RAI1: variants seen among roughly 807,000 people sequenced by gnomAD.
RAI1 encodes retinoic acid-induced protein 1.
In RAI1, 9 loss-of-function variants were observed where a neutral mutation model predicts 123.8. The observed-to-expected ratio is 0.07, with a 90% CI of 0.04 to 0.13. The LOEUF is 0.13. RAI1 is among the 10% of genes least tolerant of loss of function. The pLI is 1.00. For synonymous variants in RAI1, 1,231 were observed against 1,127.3 expected (o/e 1.09, Z -1.84); for missense variants, 2,256 against 2,545.8 (o/e 0.89, Z 2.45).
chr17:17,725,336 C>G (rs979056251), intron 2 of RAI1, among the ~76,000 whole-genome samples: 1 of 152,150 alleles, frequency 6.6e-6, no homozygotes, highest in Non-Finnish European at 1.5e-5. Context: ...AAGTGTTTGT[C>G]TCCTGCGATC....
chr17:17,794,554 C>A lies in RAI1; in HGVS notation c.1606C>A (p.Arg536Ser), dbSNP rs149164900. 1 of 1,613,060 alleles carries A rather than the reference C, an allele frequency of 6.2e-7. No homozygotes were observed. The highest frequency in any genetic ancestry group is 8.5e-7 in the Non-Finnish European group (1 of 1,180,016). ...CAGCTTCCTCTACTGCAACCAGGCCCGTGGCAGCCCTGCCAGGGTCAACAG... is the reference window on the plus strand; with the variant it reads ...CAGCTTCCTCTACTGCAACCAGGCCAGTGGCAGCCCTGCCAGGGTCAACAG... ...ERSFLYCNQA[R>S]GSPARVNSNS... Residue 536 changes from arginine (R) to serine (S), a missense_variant, in exon 3 of 6, where the codon CGT (arginine) becomes AGT (serine). Coordinates refer to ENST00000353383, the MANE Select transcript of RAI1 (RefSeq NM_030665.4).
intron 3 of RAI1, chr17:17,802,084 C>A (rs776032219): frequency 2.1e-6 from 1 of 470,996 alleles, no homozygotes; most frequent in South Asian, 1.5e-5. Context: ...TCTCCCTCCC[C>A]GGCCTCAGGT....
At chr17:17,761,929 G>A (rs1227438136) in intron 2 of RAI1, among the ~76,000 whole-genome samples, 3 of 152,080 alleles carry the variant, frequency 2.0e-5, no homozygotes, top group Non-Finnish European at 4.4e-5. Context: ...AGGGAGGGAG[G>A]CATGGGAGGG....
In RAI1 at chr17:17,810,087, C is replaced by G; in HGVS notation, c.*106C>G. The G allele has an allele frequency of 6.9e-7, 1 of 1,440,740 alleles. No homozygotes were observed. Among genetic ancestry groups the G allele is most frequent in the Non-Finnish European group, 9.3e-7 (1 of 1,070,466 alleles). The allele number at this position is 1,440,740 out of a possible 1,614,324, so 89.2% of individuals were successfully genotyped here. A position where few individuals can be genotyped will look rare whatever the true frequency, so the allele number is the denominator to read the frequency against. On this transcript the variant is annotated 3_prime_UTR_variant, in exon 6 of 6. Transcript: ENST00000353383. The surrounding 1 kb of genome is among the most constrained non-coding windows in gnomAD (Gnocchi z 4.6). ...CCCCGGGCCTTTGAGCTGCTCCCAG[C>G]GCTGGTCCAGAGCCGATCCTTGATC...
intron 2 of RAI1, among the ~76,000 whole-genome samples, chr17:17,755,772 CT>C (rs1274459376): frequency 2.0e-5 from 3 of 152,230 alleles, no homozygotes; most frequent in Non-Finnish European, 4.4e-5. Context: ...AGCCCAGCTC[CT>C]CCCCTGGCAC....
chr17:17,786,103 G>T (rs2031816912), intron 2 of RAI1, among the ~76,000 whole-genome samples: 1 of 152,192 alleles, frequency 6.6e-6, no homozygotes, highest in Non-Finnish European at 1.5e-5. Context: ...GGTGCTGAGA[G>T]GGGCTGCTGC....
chr17:17,682,946 G>A (rs1256629890), intron 1 of RAI1, among the ~76,000 whole-genome samples: 1 of 152,102 alleles, frequency 6.6e-6, no homozygotes, highest in Non-Finnish European at 1.5e-5. Flanking sequence ...CCTGAATGGC[G>A]GAGCCGGCCG....
At chr17:17,690,530 C>G (rs1914801546) in intron 1 of RAI1, among the ~76,000 whole-genome samples, 1 of 152,182 alleles carries the variant, frequency 6.6e-6, no homozygotes, top group Admixed American at 6.5e-5. Context: ...TCCCTAAGCC[C>G]GTTTCCTCCT....
intron 1 of RAI1, among the ~76,000 whole-genome samples, chr17:17,686,255 A>G (rs866936276): frequency 2.3e-4 from 30 of 129,072 alleles, no homozygotes; most frequent in African/African-American, 8.4e-4. Context: ...TAGCAAGGGC[A>G]TGCTCAGGTC....
intron 2 of RAI1, among the ~76,000 whole-genome samples, chr17:17,752,760 A>G (rs1002931523): frequency 5.3e-5 from 8 of 152,112 alleles, no homozygotes; most frequent in African/African-American, 1.9e-4. Flanking sequence ...ACACTCTTAA[A>G]GTCCTTCTTT....
At chr17:17,805,441 G>A (rs1326960858) in intron 4 of RAI1, among the ~76,000 whole-genome samples, 1 of 152,170 alleles carries the variant, frequency 6.6e-6, no homozygotes, top group Non-Finnish European at 1.5e-5. Context: ...GGCCTGGAAA[G>A]AGGCGAAGTC....
At chr17:17,742,655 C>T (rs746415164) in intron 2 of RAI1, among the ~76,000 whole-genome samples, 2 of 152,176 alleles carry the variant, frequency 1.3e-5, no homozygotes, top group Non-Finnish European at 2.9e-5. Flanking sequence ...TGTGAAGTCG[C>T]AAGTTCATGT....
chr17:17,793,049 G>A lies in RAI1; in HGVS notation c.101G>A (p.Ser34Asn), dbSNP rs767047134. 146 of 1,614,066 alleles carry A rather than the reference G, an allele frequency of 9.0e-5. No individual in the cohort carries two copies. Among genetic ancestry groups the A allele is most frequent in the Non-Finnish European group, 1.1e-4 (129 of 1,180,044 alleles). The change falls in exon 3 of 6, where the codon AGT becomes AAT. Residue 34 changes from serine (S) to asparagine (N), a missense_variant. Transcript: ENST00000353383. Reference sequence around the variant, plus strand: ...CGCCTAGAGAATTACAGGCAGCCGAGTCAGGCCGGGCTAAGCTGCGACCGG... The same window carrying A: ...CGCCTAGAGAATTACAGGCAGCCGAATCAGGCCGGGCTAAGCTGCGACCGG... Reference protein sequence around the residue: ...TSRLENYRQPSQAGLSCDRQR... With the variant: ...TSRLENYRQPNQAGLSCDRQR...
chr17:17,710,805 T>G (rs1038778645), intron 1 of RAI1, among the ~76,000 whole-genome samples: 5 of 152,214 alleles, frequency 3.3e-5, no homozygotes, highest in African/African-American at 1.2e-4. Flanking sequence ...GGTGGGGACC[T>G]TTGGGGCCAT....
chr17:17,738,971 A>G (rs1916528416), intron 2 of RAI1, among the ~76,000 whole-genome samples: 1 of 152,178 alleles, frequency 6.6e-6, no homozygotes, highest in Non-Finnish European at 1.5e-5. Context: ...AGCAGCTGTC[A>G]TCAGTGTTAT....
chr17:17,718,580 A>G (rs1645241379), intron 1 of RAI1, among the ~76,000 whole-genome samples: 1 of 152,156 alleles, frequency 6.6e-6, no homozygotes, highest in African/African-American at 2.4e-5. Context: ...GCCCTGAACA[A>G]CGCCTGGAAC....
Position 17,810,797 on chromosome 17 carries a change from C to T in RAI1, c.*816C>T, listed in dbSNP as rs2032732269. On this transcript the variant is annotated 3_prime_UTR_variant, in exon 6 of 6. Transcript: ENST00000353383. This position sits in a 1 kb window ranked among gnomAD's most constrained non-coding sequence, Gnocchi z 4.6. ...AAACCCAAGAAGCGGCCAGAACGCA[C>T]CTCCGGCTCCGGCGGACGCGCGACC... 1 of 454,906 alleles carries T rather than the reference C, an allele frequency of 2.2e-6. No individual in the cohort carries two copies. The highest frequency in any genetic ancestry group is 7.0e-5 in the East Asian group (1 of 14,328). 28.2% of individuals were successfully genotyped at this position (454,906 alleles called of 1,614,324 possible).
At position 17,798,120 on chromosome 17, in the gene RAI1, G is replaced by A. The variant is rs766240657; in HGVS notation, c.5172G>A (p.Arg1724=). The change falls in exon 3 of 6, where the codon CGG becomes CGA. Residue 1724 remains arginine (R), a synonymous_variant. Transcript: ENST00000353383. ...AGCCAAAACTCAAGGAGAAGGTGCG[G>A]CCAGAAGGCACCTGTGAGGAGGCCT... is the stretch of plus-strand genomic sequence containing the variant. ...KKKPKLKEKV[R]PEGTCEEASL... 2 of 1,613,840 alleles carry A rather than the reference G, an allele frequency of 1.2e-6. No individual in the cohort carries two copies. Among genetic ancestry groups the A allele is most frequent in the Non-Finnish European group, 1.7e-6 (2 of 1,180,044 alleles).
intron 1 of RAI1, among the ~76,000 whole-genome samples, chr17:17,709,098 C>T (rs1915482233): frequency 6.6e-6 from 1 of 152,178 alleles, no homozygotes; most frequent in Non-Finnish European, 1.5e-5. Context: ...GGGATTTTTC[C>T]CATATGCTCC....
Sources: gnomAD v4.1 joint callset for allele counts (sites outside exome capture counted in the v4.1 genomes callset) on GRCh38, gnomAD v4.1.1 for gene constraint, Gnocchi (gnomAD v3.1) non-coding constraint, MANE v1.5 for transcripts, NCBI Gene and HGNC (gene_info 2026-07-23, HGNC 2026-07-21) for gene names.